The following C19orf18 variants were observed in gnomAD, a reference collection of about 807,000 sequenced individuals.
C19orf18 encodes the protein uncharacterized protein C19orf18.
A neutral mutation model predicts 23.3 loss-of-function variants in C19orf18; 21 were observed. The ratio of observed to expected loss-of-function variants is 0.90; its 90% CI spans 0.64 to 1.30. The LOEUF (loss-of-function observed/expected upper bound fraction) is 1.30. Among genes scored for constraint, C19orf18 ranks in the 50% most tolerant of loss-of-function variants. The pLI is 0.00. For missense variants in C19orf18, 249 were observed against 259.6 expected (o/e 0.96, Z 0.28); for synonymous variants, 96 against 95.2 (o/e 1.01, Z -0.05).
At chr19:57,966,755 C>G in intron 3 of C19orf18, 123 bp from the exon 4 acceptor site, 1 of 629,938 alleles carries the variant, frequency 1.6e-6, no homozygotes, top group South Asian at 1.9e-5. Context: ...TCAAAAATAG[C>G]TTGTTTTGTT....
intron 3 of C19orf18, among the ~76,000 whole-genome samples, chr19:57,971,341 C>CCCCT (rs1300784286): frequency 1.3e-5 from 2 of 152,064 alleles, no homozygotes; most frequent in Non-Finnish European, 2.9e-5. Context: ...AGGCCACCAT[C>CCCCT]CCCTGCCCCC....
chr19:57,972,644 A>G (rs920004862), intron 2 of C19orf18, 140 bp from the exon 3 acceptor site: 19 of 915,438 alleles, frequency 2.1e-5, no homozygotes, highest in Non-Finnish European at 3.1e-5. Flanking sequence ...GGATGTGTTA[A>G]TACATTCCTC....
intron 3 of C19orf18, among the ~76,000 whole-genome samples, chr19:57,971,697 G>T (rs1440175829): frequency 6.6e-6 from 1 of 152,016 alleles, no homozygotes; most frequent in Non-Finnish European, 1.5e-5. Flanking sequence ...TCTCGAACTC[G>T]TGACCTCAAG....
intron 4 of C19orf18, among the ~76,000 whole-genome samples, chr19:57,965,337 A>G (rs1452058486): frequency 6.6e-6 from 1 of 151,778 alleles, no homozygotes; most frequent in Non-Finnish European, 1.5e-5. Flanking sequence ...GTTTCACTAT[A>G]TTGGCCAGGC....
chr19:57,961,262 G>A (rs910437335), intron 5 of C19orf18, 129 bp downstream of exon 5: 1 of 1,041,888 alleles, frequency 9.6e-7, no homozygotes, highest in Non-Finnish European at 1.4e-6. Context: ...AAGAAAGGAA[G>A]GAAGAAAGAA....
In C19orf18 at chr19:57,966,558, A is replaced by G. The variant is rs1568567431; in HGVS notation, c.343T>C (p.Cys115Arg). 6.2e-7 allele frequency: 1 copy of G among 1,611,556 alleles called. No homozygotes were observed. Among genetic ancestry groups the G allele is most frequent in the Non-Finnish European group, 8.5e-7 (1 of 1,177,924 alleles). ...SSVAFSIALI[C>R]GMAISYMIYR... Reference sequence around the variant, plus strand: ...ATCATATAGGAGATTGCCATCCCACATATCAGGGCAATGCTGAAGGCTACG... The same window carrying G: ...ATCATATAGGAGATTGCCATCCCACGTATCAGGGCAATGCTGAAGGCTACG... The change falls in exon 4 of 6, where the codon TGT becomes CGT. Residue 115 changes from cysteine (C) to arginine (R), a missense_variant. Cys to Arg is a radical substitution (Grantham distance 180). Transcript: ENST00000314391.
intron 5 of C19orf18, among the ~76,000 whole-genome samples, chr19:57,959,883 G>A (rs1363910757): frequency 3.9e-5 from 6 of 151,908 alleles, no homozygotes; most frequent in African/African-American, 9.7e-5. Context: ...GCCGAGGCGG[G>A]TGGATCAATT....
intron 4 of C19orf18, among the ~76,000 whole-genome samples, chr19:57,963,751 G>A (rs1291693912): frequency 2.6e-5 from 4 of 152,030 alleles, no homozygotes; most frequent in African/African-American, 4.8e-5. Context: ...TTAGCCGGGC[G>A]TGGTGGCGGG....
intron 5 of C19orf18, among the ~76,000 whole-genome samples, chr19:57,959,423 G>C (rs922950134): frequency 8.6e-5 from 13 of 150,692 alleles, no homozygotes; most frequent in Non-Finnish European, 1.9e-4. Flanking sequence ...AAGAGTTCGA[G>C]ACCAGCCTGG....
intron 4 of C19orf18, among the ~76,000 whole-genome samples, 195 bp from the exon 5 acceptor site, chr19:57,961,746 C>G (rs1008311470): frequency 6.6e-6 from 1 of 152,152 alleles, no homozygotes; most frequent in Non-Finnish European, 1.5e-5. Context: ...AGGAGTAACT[C>G]CGATCATCCC....
chr19:57,968,812 G>C (rs2072924998), intron 3 of C19orf18, among the ~76,000 whole-genome samples: 1 of 151,996 alleles, frequency 6.6e-6, no homozygotes, highest in Non-Finnish European at 1.5e-5. Flanking sequence ...CTATTTCCTA[G>C]AGACAGCGAA....
chr19:57,965,117 TTTTATTTATTTATTTA>T (rs59561103), intron 4 of C19orf18, among the ~76,000 whole-genome samples: 1 of 145,938 alleles, frequency 6.9e-6, no homozygotes, highest in African/African-American at 2.5e-5. Context: ...GTTCTTTTTA[TTTTATTTATTTATTTA>T]TTTATTTATT....
intron 3 of C19orf18, among the ~76,000 whole-genome samples, chr19:57,970,673 C>T (rs143844447): frequency 4.6e-4 from 70 of 152,008 alleles, no homozygotes; most frequent in African/African-American, 1.6e-3. Flanking sequence ...CTCAGCCTCC[C>T]GGGTTCTCCT....
Position 57,974,478 on chromosome 19 carries a change from C to A in C19orf18, c.-46G>T. 1 of 1,604,986 alleles carries A rather than the reference C, an allele frequency of 6.2e-7. No homozygotes were observed. The highest frequency in any genetic ancestry group is 8.5e-7 in the Non-Finnish European group (1 of 1,174,158). On this transcript the variant is annotated 5_prime_UTR_variant, in exon 1 of 6. Coordinates refer to ENST00000314391, the MANE Select transcript of C19orf18 (RefSeq NM_152474.5). Reference sequence around the variant, plus strand: ...TTTATCCCGTAGATGAAAGGAAATACTTAGCTACAGTCCAGCATCTGTCCT... The same window carrying A: ...TTTATCCCGTAGATGAAAGGAAATAATTAGCTACAGTCCAGCATCTGTCCT...
At chr19:57,966,144 A>C (rs1214597093) in intron 4 of C19orf18, among the ~76,000 whole-genome samples, 7 of 151,816 alleles carry the variant, frequency 4.6e-5, no homozygotes, top group South Asian at 4.2e-4. Context: ...CGCCCGGCTA[A>C]TTTTTTGTAT....
chr19:57,971,138 C>T (rs2072941884), intron 3 of C19orf18, among the ~76,000 whole-genome samples: 2 of 152,114 alleles, frequency 1.3e-5, no homozygotes, highest in South Asian at 4.2e-4. Flanking sequence ...ATGTATTCAT[C>T]ACGTTTTTTA....
intron 4 of C19orf18, among the ~76,000 whole-genome samples, chr19:57,965,209 A>G (rs2072900697): frequency 6.6e-6 from 1 of 151,882 alleles, no homozygotes; most frequent in Non-Finnish European, 1.5e-5. Flanking sequence ...ATCTCTGCCC[A>G]CTGCAACCTC....
chr19:57,972,358 G>A (rs915652440), intron 3 of C19orf18, 105 bp downstream of exon 3: 29 of 1,346,230 alleles, frequency 2.2e-5, no homozygotes, highest in Non-Finnish European at 2.8e-5. Flanking sequence ...AAGGCACCAC[G>A]TGTGCAGGCT....
chr19:57,973,074 G>A (rs1414469246), intron 2 of C19orf18, among the ~76,000 whole-genome samples: 3 of 143,650 alleles, frequency 2.1e-5, no homozygotes, highest in African/African-American at 7.9e-5. Context: ...CTTGAACCCG[G>A]CGGTGGAGGT....
Sources: allele counts gnomAD v4.1 joint callset (sites outside exome capture counted in the v4.1 genomes callset), GRCh38; gene constraint gnomAD v4.1.1; transcripts MANE v1.5; gene names NCBI Gene and HGNC (gene_info 2026-07-23, HGNC 2026-07-21).